Variants in HMMR observed in about 807,000 individuals in gnomAD.
HMMR encodes the protein intracellular hyaluronic acid-binding protein.
HMMR carries 108 observed loss-of-function variants against 101.0 expected under a neutral mutation model. That is an observed-to-expected ratio of 1.07 (90% CI 0.92 to 1.25). The LOEUF is 1.25. Among genes scored for constraint, HMMR ranks in the 50% most tolerant of loss-of-function variants. HMMR has a pLI of 0.00. For synonymous variants in HMMR, 296 were observed against 276.4 expected (o/e 1.07, Z -0.70); for missense variants, 813 against 788.7 (o/e 1.03, Z -0.37).
intron 9 of HMMR, 80 bp from the exon 10 acceptor site, chr5:163,473,977 G>A (rs963705352): frequency 7.1e-6 from 8 of 1,119,302 alleles, no homozygotes; most frequent in African/African-American, 4.8e-5. Flanking sequence ...GCAGTGTAAT[G>A]GAATATTATG....
chr5:163,475,027 G>A (rs1759023895), intron 10 of HMMR, among the ~76,000 whole-genome samples: 1 of 151,990 alleles, frequency 6.6e-6, no homozygotes, highest in Non-Finnish European at 1.5e-5. Context: ...AGTCGTCAAA[G>A]ATAATATTAA....
At position 163,473,241 on chromosome 5, in the gene HMMR, T is replaced by C. The variant is rs200477713; in HGVS notation, c.713T>C (p.Ile238Thr). 1.0e-5 allele frequency: 16 copies of C among 1,568,216 alleles called. No homozygotes were observed. In the Middle Eastern group the frequency reaches 8.4e-4, roughly 83 times the overall value. Reference sequence around the variant, plus strand: ...GAAACAGAAAAACTCTTGGAATACATCGAAGAAATTAGGTAATATGAGCAG... The same window carrying C: ...GAAACAGAAAAACTCTTGGAATACACCGAAGAAATTAGGTAATATGAGCAG... ...KSETEKLLEY[I>T]EEISCASDQV... is the part of the protein sequence containing the mutation. Residue 238 changes from isoleucine (I) to threonine (T), a missense_variant, in exon 8 of 18, where the codon ATC (isoleucine) becomes ACC (threonine). By Grantham distance (89) the Ile-to-Thr change is moderately conservative (BLOSUM62 -1). Coordinates refer to ENST00000393915, the MANE Select transcript of HMMR (RefSeq NM_001142556.2).
At chr5:163,485,062 T>C (rs1461664582) in intron 16 of HMMR, among the ~76,000 whole-genome samples, 1 of 152,224 alleles carries the variant, frequency 6.6e-6, no homozygotes, top group Non-Finnish European at 1.5e-5. Flanking sequence ...TGAATAATGC[T>C]ACCATAAACA....
chr5:163,472,818 T>C (rs1401655807), intron 7 of HMMR, among the ~76,000 whole-genome samples: 1 of 152,182 alleles, frequency 6.6e-6, no homozygotes, highest in African/African-American at 2.4e-5. Context: ...GAAGACCAGG[T>C]AGTCTGGGAC....
chr5:163,461,634 A>G (rs1413458600), intron 1 of HMMR, among the ~76,000 whole-genome samples: 3 of 151,978 alleles, frequency 2.0e-5, no homozygotes, highest in Admixed American at 6.5e-5. Context: ...TACAAAAAAA[A>G]TTAGCCAGGC....
At chr5:163,486,667 A>G (rs1759485167) in intron 16 of HMMR, among the ~76,000 whole-genome samples, 1 of 152,234 alleles carries the variant, frequency 6.6e-6, no homozygotes, top group African/African-American at 2.4e-5. Flanking sequence ...TTGAATTTAG[A>G]AGTAATGAAA....
At chr5:163,483,786 A>T (rs1217707592) in intron 15 of HMMR, among the ~76,000 whole-genome samples, 1 of 152,148 alleles carries the variant, frequency 6.6e-6, no homozygotes, top group Non-Finnish European at 1.5e-5. Context: ...TTTGGAACTT[A>T]GAAGTACAGT....
At chr5:163,483,703 G>A (rs299310) in intron 15 of HMMR, among the ~76,000 whole-genome samples, 54,701 of 151,774 alleles carry the variant, frequency 0.36, 11,279 homozygotes, top group African/African-American at 0.57. Context: ...TTAATTTGTG[G>A]TATGACTTAT....
chr5:163,466,999 G>T (rs1758727010), intron 3 of HMMR, among the ~76,000 whole-genome samples: 1 of 152,056 alleles, frequency 6.6e-6, no homozygotes, highest in African/African-American at 2.4e-5. Context: ...TTTGTATGGA[G>T]CCCCAAAATA....
chr5:163,473,573 ATAGT>A lies in HMMR; in HGVS notation c.904+19_904+22del, dbSNP rs1161557950. ...AAAGAAAAAGGTATTACAGTGTTTT[ATAGT>A]TACTTTGTTTAGATAAGTGTTACAT... On this transcript the variant is annotated intron_variant, in intron 9 of 17. Transcript: ENST00000393915. 1 of 1,495,666 alleles carries A rather than the reference ATAGT, an allele frequency of 6.7e-7. No individual in the cohort carries two copies. Among genetic ancestry groups the A allele is most frequent in the Non-Finnish European group, 9.1e-7 (1 of 1,102,470 alleles). The allele number at this position is 1,495,666 out of a possible 1,614,324, so 92.6% of individuals were successfully genotyped here.
Position 163,471,271 on chromosome 5 carries a change from G to A in HMMR, c.549G>A (p.Arg183=). 6.2e-7 allele frequency: 1 copy of A among 1,610,788 alleles called. No homozygotes were observed. The highest frequency in any genetic ancestry group is 8.5e-7 in the Non-Finnish European group (1 of 1,176,978). ...GAAACAAAAGAGAAACAAAGATGAG[G>A]GTGAGTGCTGCCCTTGGCAGGTTTG... ...KLRNKRETKM[R]GMMAKQEGME... The change falls in exon 6 of 18, where the codon AGG becomes AGA. Residue 183 remains arginine, a splice_region_variant and synonymous_variant. Transcript: ENST00000393915.
rs1399263825 is a variant in HMMR, at chr5:163,483,137, A to C, written c.1650A>C (p.Glu550Asp). 2 of 1,612,098 alleles carry C rather than the reference A, an allele frequency of 1.2e-6. No homozygotes were observed. The highest frequency in any genetic ancestry group is 1.7e-6 in the Non-Finnish European group (2 of 1,179,484). Residue 550 changes from glutamate (E) to aspartate (D), a missense_variant, in exon 14 of 18, where the codon GAA becomes GAC. Transcript: ENST00000393915. ...DLQNQLKQQE[E>D]DFRKQLEDEE... Reference sequence around the variant, plus strand: ...AGAACCAACTCAAGCAACAGGAGGAAGACTTTAGAAAACAGCTGGAAGATG... The same window carrying C: ...AGAACCAACTCAAGCAACAGGAGGACGACTTTAGAAAACAGCTGGAAGATG...
chr5:163,462,325 AG>A (rs1758565822), intron 1 of HMMR, among the ~76,000 whole-genome samples: 1 of 151,454 alleles, frequency 6.6e-6, no homozygotes, highest in South Asian at 2.1e-4. Flanking sequence ...TTCATATTCC[AG>A]TACTCCAGCC....
At chr5:163,473,316 T>A in intron 8 of HMMR, 63 bp downstream of exon 8, 1 of 1,506,046 alleles carries the variant, frequency 6.6e-7, no homozygotes, top group Non-Finnish European at 9.2e-7. Flanking sequence ...TTTTCATCAT[T>A]TTTCTGTTAT....
In HMMR at chr5:163,485,889, A is replaced by AT. The variant is rs113437242; in HGVS notation, c.1962+1650dup. Among the ~76,000 whole-genome samples, 651 of 152,302 alleles carry AT rather than the reference A, an allele frequency of 4.3e-3. 5 individuals are homozygous for AT. The highest frequency in any genetic ancestry group is 0.027 in the Middle Eastern group (8 of 294). ...GTGGACATGCAATAGTCCCCACACTATTTTTTAAAGAGAATATTCTTGCCT... is the reference window on the plus strand; with the variant it reads ...GTGGACATGCAATAGTCCCCACACTATTTTTTTAAAGAGAATATTCTTGCCT... On this transcript the variant is annotated intron_variant, in intron 16 of 17. Coordinates refer to ENST00000393915, the MANE Select transcript of HMMR (RefSeq NM_001142556.2).
intron 10 of HMMR, among the ~76,000 whole-genome samples, chr5:163,474,882 G>A (rs1759018077): frequency 6.6e-6 from 1 of 151,946 alleles, no homozygotes; most frequent in African/African-American, 2.4e-5. Flanking sequence ...AAAGATTTCA[G>A]CAACAGAGTA....
intron 3 of HMMR, 88 bp from the exon 4 acceptor site, chr5:163,467,613 T>A: frequency 1.4e-6 from 1 of 702,536 alleles, no homozygotes; most frequent in Non-Finnish European, 2.6e-6. Context: ...TTGGATCCCT[T>A]CATCTTTTCT....
chr5:163,461,101 A>C (rs926220901), intron 1 of HMMR, among the ~76,000 whole-genome samples: 2 of 152,198 alleles, frequency 1.3e-5, no homozygotes, highest in African/African-American at 4.8e-5. Flanking sequence ...CTGGAGTATT[A>C]CTTGTAGTCT....
rs755354257 is a variant in HMMR, at chr5:163,471,433, A to G, written c.620A>G (p.Gln207Arg). 23 of 1,613,628 alleles carry G rather than the reference A, an allele frequency of 1.4e-5. No individual in the cohort carries two copies. The highest frequency in any genetic ancestry group is 1.6e-5 in the Non-Finnish European group (19 of 1,179,658). The change falls in exon 7 of 18, where the codon CAA (glutamine) becomes CGA (arginine). Residue 207 changes from glutamine to arginine, a missense_variant. Gln to Arg is a conservative substitution (Grantham distance 43, BLOSUM62 1). Transcript: ENST00000393915. ...ACCCAAAGGAGTCTCGAAGAGTCTC[A>G]AGGGAAAATAGCCCAACTGGAGGGA... ...QVTQRSLEES[Q>R]GKIAQLEGKL...
Sources: gnomAD v4.1 joint callset for allele counts (sites outside exome capture counted in the v4.1 genomes callset) on GRCh38, gnomAD v4.1.1 for gene constraint, MANE v1.5 for transcripts, NCBI Gene and HGNC (gene_info 2026-07-23, HGNC 2026-07-21) for gene names.